Variants in METTL15 observed in about 807,000 individuals in gnomAD.
The protein encoded by METTL15 is methyltransferase 15, mitochondrial 12S rRNA N4-cytidine.
In METTL15, 34 loss-of-function variants were observed where a neutral mutation model predicts 38.3. The ratio of observed to expected loss-of-function variants is 0.89; its 90% confidence interval spans 0.68 to 1.18. The LOEUF is 1.18. Ranked by LOEUF, METTL15 falls within the 50% of genes most tolerant of loss-of-function variation. The pLI is 0.00. For missense variants in METTL15, 438 were observed against 498.4 expected (o/e 0.88, Z 1.15); for synonymous variants, 162 against 170.9 (o/e 0.95, Z 0.41).
chr11:28,400,590 C>A (rs1850621589), intron 5 of METTL15, among the ~76,000 whole-genome samples: 1 of 151,934 alleles, frequency 6.6e-6, no homozygotes. Flanking sequence ...CCATCCCTCA[C>A]CCCTCTTGAG....
intron 6 of METTL15, chr11:28,516,781 TA>T (rs1851723359): frequency 6.6e-6 from 1 of 152,226 alleles, no homozygotes; most frequent in Non-Finnish European, 1.5e-5. Flanking sequence ...TATGCCTTAA[TA>T]GCTAAGGATT....
downstream of METTL15, among the ~76,000 whole-genome samples, chr11:28,528,632 A>T (rs1329792246): frequency 1.3e-5 from 2 of 152,228 alleles, no homozygotes; most frequent in East Asian, 3.8e-4. Context: ...TGTTGTAAAG[A>T]TCAGGCTTAT....
Position 28,137,655 on chromosome 11 carries a change from C to A in METTL15, c.270+24051C>A, listed in dbSNP as rs1849557744. On this transcript the variant is annotated intron_variant, in intron 3 of 6. Transcript: ENST00000407364. ...TGTAACCTTCGAACATGTAGCAAAC[C>A]TAGTATCTGACCAGCATAATTCAGA... is the stretch of plus-strand genomic sequence containing the variant. Among the ~76,000 whole-genome samples, 3 of 152,144 alleles carry A rather than the reference C, an allele frequency of 2.0e-5. No homozygotes were observed. The South Asian group carries it at 6.2e-4, about 31-fold the overall frequency.
chr11:28,133,680 G>A (rs952434420), intron 3 of METTL15, among the ~76,000 whole-genome samples: 3 of 152,098 alleles, frequency 2.0e-5, no homozygotes, highest in Non-Finnish European at 4.4e-5. Flanking sequence ...AGCAGCCCAT[G>A]GAGAGGCCTA....
intron 4 of METTL15, among the ~76,000 whole-genome samples, chr11:28,234,218 G>A (rs912775956): frequency 3.9e-5 from 6 of 152,028 alleles, no homozygotes; most frequent in African/African-American, 1.2e-4. Context: ...TGGACATTTG[G>A]GTTGGTTCCA....
At chr11:28,251,663 G>A (rs765478757) in intron 4 of METTL15, among the ~76,000 whole-genome samples, 4 of 151,798 alleles carry the variant, frequency 2.6e-5, no homozygotes, top group Admixed American at 6.6e-5. Context: ...TTGGTTCCTT[G>A]GCTTCCATAA....
At chr11:28,179,432 A>T (rs1204114328) in intron 3 of METTL15, among the ~76,000 whole-genome samples, 4 of 151,778 alleles carry the variant, frequency 2.6e-5, no homozygotes, top group South Asian at 2.1e-4. Context: ...GATATGTAAC[A>T]TCTCTCACTC....
intron 6 of METTL15, among the ~76,000 whole-genome samples, chr11:28,449,137 G>A (rs992134313): frequency 6.6e-6 from 1 of 152,072 alleles, no homozygotes; most frequent in East Asian, 1.9e-4. Context: ...CTCTTACTTA[G>A]CCATACTCCC....
intron 3 of METTL15, among the ~76,000 whole-genome samples, chr11:28,157,385 C>A (rs938277934): frequency 6.6e-6 from 1 of 152,132 alleles, no homozygotes; most frequent in Non-Finnish European, 1.5e-5. Context: ...CCCAGCAGAT[C>A]CAGTGGTGCT....
chr11:28,470,751 T>G (rs138086209), intron 6 of METTL15, among the ~76,000 whole-genome samples: 85 of 152,240 alleles, frequency 5.6e-4, no homozygotes, highest in African/African-American at 2.0e-3. Context: ...ATTAACATGT[T>G]CAGCTACTTG....
chr11:28,444,789 T>C (rs921560565), intron 6 of METTL15, among the ~76,000 whole-genome samples: 1 of 152,200 alleles, frequency 6.6e-6, no homozygotes, highest in Non-Finnish European at 1.5e-5. Flanking sequence ...TGTCCTAGGT[T>C]TACATTCTCA....
At chr11:28,194,192 C>CCTCTCTCT (rs10696048) in intron 3 of METTL15, among the ~76,000 whole-genome samples, 1 of 125,060 alleles carries the variant, frequency 8.0e-6, no homozygotes, top group Non-Finnish European at 1.6e-5. Context: ...CTCTCTCTCT[C>CCTCTCTCT]CTCTCTCTCT....
chr11:28,471,730 T>G (rs1851304801), intron 6 of METTL15, among the ~76,000 whole-genome samples: 1 of 152,076 alleles, frequency 6.6e-6, no homozygotes, highest in African/African-American at 2.4e-5. Context: ...ACCCCACCCC[T>G]GTAGATTTTA....
chr11:28,217,791 C>T (rs900457844), intron 4 of METTL15, among the ~76,000 whole-genome samples: 1 of 152,130 alleles, frequency 6.6e-6, no homozygotes, highest in African/African-American at 2.4e-5. Flanking sequence ...AGCCAGTTTT[C>T]CCAGCACCAT....
the METTL15 span, among the ~76,000 whole-genome samples, chr11:28,532,184 C>G: frequency 6.6e-6 from 1 of 152,160 alleles, no homozygotes; most frequent in East Asian, 1.9e-4. Context: ...TTTTGAATTA[C>G]TGATTAACTC....
At chr11:28,236,788 G>T (rs570865615) in intron 4 of METTL15, among the ~76,000 whole-genome samples, 21 of 152,086 alleles carry the variant, frequency 1.4e-4, no homozygotes, top group Non-Finnish European at 2.8e-4. Flanking sequence ...CTCTTTTAGG[G>T]CAGGCCTGGT....
At chr11:28,136,101 C>T (rs1040706180) in intron 3 of METTL15, among the ~76,000 whole-genome samples, 1 of 152,290 alleles carries the variant, frequency 6.6e-6, no homozygotes, top group East Asian at 1.9e-4. Context: ...AGCTAGACAA[C>T]AATTGTCTGT....
intron 5 of METTL15, among the ~76,000 whole-genome samples, chr11:28,389,502 A>G (rs1453224016): frequency 2.0e-5 from 3 of 150,322 alleles, no homozygotes; most frequent in African/African-American, 7.3e-5. Flanking sequence ...TGTCCTTGCG[A>G]TAGTTTACTG....
At chr11:28,195,577 T>G (rs962110182) in intron 3 of METTL15, among the ~76,000 whole-genome samples, 1 of 152,108 alleles carries the variant, frequency 6.6e-6, no homozygotes, top group African/African-American at 2.4e-5. Context: ...TCTTGCTCAT[T>G]TTTTCGAGTT....
Sources: allele counts gnomAD v4.1 joint callset (sites outside exome capture counted in the v4.1 genomes callset), GRCh38; gene constraint gnomAD v4.1.1; transcripts MANE v1.5; gene names NCBI Gene and HGNC (gene_info 2026-07-23, HGNC 2026-07-21).